PBX1: variants seen among roughly 807,000 people sequenced by gnomAD.
PBX1 encodes the protein PBX homeobox 1.
Under a neutral mutation model 53.4 loss-of-function variants are expected in PBX1, and 6 were observed. The observed-to-expected ratio is 0.11, with a 90% CI of 0.06 to 0.22. The LOEUF (loss-of-function observed/expected upper bound fraction) is 0.22, where lower values mean the gene tolerates loss of function less well. Among genes scored for constraint, PBX1 ranks in the 10% least tolerant of loss-of-function variants. The pLI is 1.00. For missense variants in PBX1, 251 were observed against 551.4 expected (o/e 0.46, Z 5.46); for synonymous variants, 204 against 212.3 (o/e 0.96, Z 0.34).
rs146905517 is a variant in PBX1, at chr1:164,740,096, G to A, written c.266-52398G>A. 2.2e-4 allele frequency among the ~76,000 whole-genome samples: 33 copies of A among 152,240 alleles called. No individual in the cohort carries two copies. The East Asian group carries it at 6.0e-3, about 28-fold the overall frequency. ...AGAAACAGAATTTGATCTAAATGTAGGAAGAGGAAATAAAAGGTGCCTGTG... is the reference window on the plus strand; with the variant it reads ...AGAAACAGAATTTGATCTAAATGTAAGAAGAGGAAATAAAAGGTGCCTGTG... On this transcript the variant is annotated intron_variant, in intron 2 of 8. Transcript: ENST00000420696.
At chr1:164,721,293 T>G (rs1451547697) in intron 2 of PBX1, among the ~76,000 whole-genome samples, 1 of 152,112 alleles carries the variant, frequency 6.6e-6, no homozygotes, top group Non-Finnish European at 1.5e-5. Flanking sequence ...GAGCAGGCAT[T>G]TGACTGCTGC....
chr1:164,746,995 C>T (rs1400379971), intron 2 of PBX1, among the ~76,000 whole-genome samples: 1 of 152,098 alleles, frequency 6.6e-6, no homozygotes, highest in Non-Finnish European at 1.5e-5. Context: ...AAAATCACTG[C>T]ATTTTTTCAT....
Position 164,636,156 on chromosome 1 carries a change from CT to C in PBX1, c.265+72855del, listed in dbSNP as rs142099507. Reference sequence around the variant, plus strand: ...GCCCCCAGCATCTTTCTCTCTCTCTCTTTTTTTTTTCTCCTTTTGATCTCAG... The same window carrying C: ...GCCCCCAGCATCTTTCTCTCTCTCTCTTTTTTTTTCTCCTTTTGATCTCAG... On this transcript the variant is annotated intron_variant, in intron 2 of 8. Transcript: ENST00000420696. Among the ~76,000 whole-genome samples, 70 of 148,586 alleles carry C rather than the reference CT, an allele frequency of 4.7e-4. No homozygotes were observed. The East Asian group carries it at 6.1e-3, about 13-fold the overall frequency.
At chr1:164,673,412 C>G (rs993754730) in intron 2 of PBX1, among the ~76,000 whole-genome samples, 1 of 151,484 alleles carries the variant, frequency 6.6e-6, no homozygotes, top group African/African-American at 2.4e-5. Context: ...CACGTCTCTC[C>G]GCTTTCATCA....
intron 2 of PBX1, among the ~76,000 whole-genome samples, chr1:164,660,767 T>G (rs540804503): frequency 6.6e-6 from 1 of 152,238 alleles, no homozygotes; most frequent in African/African-American, 2.4e-5. Flanking sequence ...AGGATGATTT[T>G]TTTTAAAGTA....
At chr1:164,828,289 T>C (rs1670571071) in intron 8 of PBX1, 1 of 152,144 alleles carries the variant, frequency 6.6e-6, no homozygotes, top group Non-Finnish European at 1.5e-5. Context: ...TGTGTGTGTG[T>C]ACATGTACAT....
intron 2 of PBX1, among the ~76,000 whole-genome samples, chr1:164,592,628 G>A (rs961439540): frequency 6.6e-6 from 1 of 152,200 alleles, no homozygotes; most frequent in Non-Finnish European, 1.5e-5. Flanking sequence ...AAAGGGAATG[G>A]CCTTGTTGGA....
rs186687052 is a variant in PBX1, at chr1:164,612,349, C to T, written c.265+49038C>T. ...ATGCGTCGCCATTGAGCAGCTGCAA[C>T]GGTTGAGACTAATCTAGAAAGTGAC... On this transcript the variant is annotated intron_variant, in intron 2 of 8. Transcript: ENST00000420696. Among the ~76,000 whole-genome samples, 40 of 152,114 alleles carry T rather than the reference C, an allele frequency of 2.6e-4. 1 individual carries two copies. The East Asian group carries it at 7.0e-3, about 27-fold the overall frequency.
At chr1:164,863,994 GATA>G (rs1460177932) in intron 2 of PBX1, among the ~76,000 whole-genome samples, 1 of 152,174 alleles carries the variant, frequency 6.6e-6, no homozygotes, top group Non-Finnish European at 1.5e-5. Flanking sequence ...TAAAAGCAGG[GATA>G]ATAAGAGGAA....
intron 3 of PBX1, among the ~76,000 whole-genome samples, chr1:164,797,788 T>C (rs1273585753): frequency 6.6e-6 from 1 of 152,254 alleles, no homozygotes; most frequent in African/African-American, 2.4e-5. Flanking sequence ...GTAACTCATT[T>C]AATCCTTACT....
chr1:164,609,268 G>A (rs1656750150), intron 2 of PBX1, among the ~76,000 whole-genome samples: 1 of 151,884 alleles, frequency 6.6e-6, no homozygotes, highest in South Asian at 2.1e-4. Context: ...TTCAGAACAA[G>A]AGACCAAGTC....
intron 2 of PBX1, among the ~76,000 whole-genome samples, chr1:164,871,595 A>G (rs1206503397): frequency 1.3e-5 from 2 of 152,176 alleles, no homozygotes; most frequent in East Asian, 1.9e-4. Context: ...TCTTGGAGGA[A>G]ACGTCAGGTC....
intron 2 of PBX1, among the ~76,000 whole-genome samples, chr1:164,630,112 G>A (rs1016035301): frequency 2.0e-5 from 3 of 152,148 alleles, no homozygotes; most frequent in African/African-American, 7.2e-5. Flanking sequence ...AAAACCTAAT[G>A]CTTGTGACCA....
At chr1:164,822,059 G>A (rs527326035) in intron 8 of PBX1, among the ~76,000 whole-genome samples, 32 of 152,188 alleles carry the variant, frequency 2.1e-4, no homozygotes, top group Middle Eastern at 3.4e-3. Context: ...GTCTATGGAC[G>A]ATTAAAAAGA....
intron 2 of PBX1, among the ~76,000 whole-genome samples, chr1:164,598,709 T>G (rs1414550207): frequency 6.6e-6 from 1 of 152,220 alleles, no homozygotes; most frequent in Non-Finnish European, 1.5e-5. Flanking sequence ...TCTGCCTTTT[T>G]TATTCTTTTT....
At chr1:164,572,437 T>C (rs1185543599) in intron 2 of PBX1, among the ~76,000 whole-genome samples, 2 of 152,206 alleles carry the variant, frequency 1.3e-5, no homozygotes, top group East Asian at 3.8e-4. Flanking sequence ...TCAGGATTTA[T>C]GTGAAATCTC....
chr1:164,872,980 A>C (rs1672418634), intron 2 of PBX1, among the ~76,000 whole-genome samples: 1 of 152,220 alleles, frequency 6.6e-6, no homozygotes, highest in Non-Finnish European at 1.5e-5. Flanking sequence ...TCCAACAGAC[A>C]TTGGGCTTTA....
chr1:164,564,879 T>A (rs987124584), intron 2 of PBX1, among the ~76,000 whole-genome samples: 1 of 152,062 alleles, frequency 6.6e-6, no homozygotes, highest in Non-Finnish European at 1.5e-5. Flanking sequence ...CTCTGATGCT[T>A]ATTTACTTTG....
chr1:164,791,963 T>G (rs1424203160), intron 2 of PBX1, among the ~76,000 whole-genome samples: 1 of 152,066 alleles, frequency 6.6e-6, no homozygotes, highest in Non-Finnish European at 1.5e-5. Flanking sequence ...TAGCTGGGAC[T>G]ACAGGCACGC....
Sources: gnomAD v4.1 joint callset for allele counts (sites outside exome capture counted in the v4.1 genomes callset) on GRCh38, gnomAD v4.1.1 for gene constraint, MANE v1.5 for transcripts, NCBI Gene and HGNC (gene_info 2026-07-23, HGNC 2026-07-21) for gene names.